CHD1L: variants seen among roughly 807,000 people sequenced by gnomAD.
CHD1L encodes chromodomain helicase DNA binding protein 1 like, also known as ATP-dependent chromatin remodeler CHD1L.
CHD1L carries 118 observed loss-of-function variants against 115.9 expected under a neutral mutation model. The ratio of observed to expected loss-of-function variants is 1.02; its 90% CI spans 0.88 to 1.19. The LOEUF (loss-of-function observed/expected upper bound fraction) is 1.19, where lower values mean the gene tolerates loss of function less well. CHD1L is among the 50% of genes most tolerant of loss of function. The pLI is 0.00. For missense variants in CHD1L, 1,179 were observed against 1,065.3 expected (o/e 1.11, Z -1.49); for synonymous variants, 411 against 387.1 (o/e 1.06, Z -0.72).
At chr1:147,251,512 C>T (rs1421922458) in intron 1 of CHD1L, among the ~76,000 whole-genome samples, 4 of 152,134 alleles carry the variant, frequency 2.6e-5, no homozygotes, top group African/African-American at 9.6e-5. Context: ...AAATGAGATA[C>T]TGTAATTTAT....
chr1:147,275,555 C>A, intron 13 of CHD1L, 87 bp downstream of exon 13: 1 of 1,035,582 alleles, frequency 9.7e-7, no homozygotes, highest in South Asian at 1.4e-5. Context: ...TGGTGACAGT[C>A]CCACACTGGG....
rs1553931952 is a variant in CHD1L at position 147,242,837 on chromosome 1, G to A, written c.127+7G>A. On this transcript the variant is annotated splice_region_variant and intron_variant, in intron 1 of 22. Coordinates refer to ENST00000369258, the MANE Select transcript of CHD1L (RefSeq NM_004284.6). The stretch of plus-strand genomic sequence containing the variant: ...CGGCAGTGGGGGCTGACAGGTGAGC[G>A]GGCTCCGGGCGGACTTCGGCCAGGC... 6 of 1,274,646 alleles carry A rather than the reference G, an allele frequency of 4.7e-6. No individual in the cohort carries two copies. The highest frequency in any genetic ancestry group is 6.0e-6 in the Non-Finnish European group (6 of 1,003,722). The allele number at this position is 1,274,646 out of a possible 1,614,324, so 79.0% of individuals were successfully genotyped here.
At chr1:147,203,155 C>A in the CHD1L span, 2 of 505,514 alleles carry the variant, frequency 4.0e-6, no homozygotes, top group Non-Finnish European at 6.9e-6. Flanking sequence ...ATTATAACAT[C>A]CAGCCAAGAA....
chr1:147,293,641 T>G lies in CHD1L; in HGVS notation c.2425T>G (p.Ser809Ala). 1 of 1,614,138 alleles carries G rather than the reference T, an allele frequency of 6.2e-7. No homozygotes were observed. The highest frequency in any genetic ancestry group is 8.5e-7 in the Non-Finnish European group (1 of 1,180,024). Reference sequence around the variant, plus strand: ...GATTGTGGCTCAGCATCGTGATCGTTCCAATGTCCTGTCTGGCATTAAGAT... The same window carrying G: ...GATTGTGGCTCAGCATCGTGATCGTGCCAATGTCCTGTCTGGCATTAAGAT... ...ALIVAQHRDR[S>A]NVLSGIKMAA... The change falls in exon 21 of 23, where the codon TCC becomes GCC. Residue 809 changes from serine to alanine, a missense_variant. By Grantham distance (99) the Ser-to-Ala change is moderately conservative. Coordinates refer to ENST00000369258, the MANE Select transcript of CHD1L (RefSeq NM_004284.6).
At chr1:147,184,852 A>G in the CHD1L span, among the ~76,000 whole-genome samples, 10 of 152,238 alleles carry the variant, frequency 6.6e-5, no homozygotes, top group Admixed American at 3.9e-4. This position sits in a 1 kb window ranked among gnomAD's most constrained non-coding sequence, Gnocchi z 4.4. Context: ...ACACTAGAGA[A>G]GTAGGAAGTT....
At chr1:147,192,902 G>T in the CHD1L span, among the ~76,000 whole-genome samples, 1 of 152,156 alleles carries the variant, frequency 6.6e-6, no homozygotes, top group Non-Finnish European at 1.5e-5. Flanking sequence ...TGAGCTGCTG[G>T]ATTCAGTTTG....
upstream of CHD1L, chr1:147,242,550 A>AG: frequency 1.3e-6 from 1 of 776,244 alleles, no homozygotes. Flanking sequence ...GGGTGACTGC[A>AG]CCAGCTCCGC....
At chr1:147,216,727 T>A in the CHD1L span, among the ~76,000 whole-genome samples, 1 of 152,202 alleles carries the variant, frequency 6.6e-6, no homozygotes, top group Non-Finnish European at 1.5e-5. Context: ...AAGTATGGTC[T>A]GTAGACTAGC....
At chr1:147,202,339 A>G in the CHD1L span, among the ~76,000 whole-genome samples, 1 of 652 alleles carries the variant, frequency 1.5e-3, no homozygotes, top group Middle Eastern at 0.25. Context: ...TTTTTTTGAG[A>G]CAGAGTCTCT....
chr1:147,199,238 AT>A, the CHD1L span, among the ~76,000 whole-genome samples: 29,078 of 152,094 alleles, frequency 0.19, 3,253 homozygotes, highest in Middle Eastern at 0.26. Flanking sequence ...CATGAAAAAA[AT>A]GGGAAAAACA....
intron 21 of CHD1L, 112 bp downstream of exon 21, chr1:147,293,834 G>C (rs1228575093): frequency 1.2e-6 from 1 of 823,522 alleles, no homozygotes; most frequent in African/African-American, 1.7e-5. Context: ...GCACGGTAAA[G>C]GCAAACCACA....
intron 15 of CHD1L, among the ~76,000 whole-genome samples, chr1:147,282,334 C>T (rs868950806): frequency 3.9e-5 from 6 of 152,142 alleles, no homozygotes; most frequent in Non-Finnish European, 5.9e-5. Flanking sequence ...ACTGAAAAGG[C>T]GGGGTGAGTC....
chr1:147,213,085 G>A, the CHD1L span, among the ~76,000 whole-genome samples: 1 of 152,030 alleles, frequency 6.6e-6, no homozygotes, highest in Non-Finnish European at 1.5e-5. Flanking sequence ...AATGACTAAA[G>A]TCATTGTAAA....
At chr1:147,286,090 G>A (rs886364714) in intron 17 of CHD1L, among the ~76,000 whole-genome samples, 4 of 152,176 alleles carry the variant, frequency 2.6e-5, no homozygotes, top group African/African-American at 9.7e-5. Context: ...GGAACATTCA[G>A]GGAGTGCTCA....
At chr1:147,264,718 T>C (rs1673228171) in intron 7 of CHD1L, 134 bp downstream of exon 7, 7 of 822,984 alleles carry the variant, frequency 8.5e-6, no homozygotes, top group Admixed American at 5.5e-5. Flanking sequence ...ACCGCTGATA[T>C]TAGGGAGATG....
chr1:147,267,378 T>C, intron 8 of CHD1L, 48 bp from the exon 9 acceptor site: 1 of 1,438,368 alleles, frequency 7.0e-7, no homozygotes, highest in South Asian at 1.2e-5. Context: ...TTCTGTTTTG[T>C]TCAGTAGGCC....
At chr1:147,203,009 T>C in the CHD1L span, among the ~76,000 whole-genome samples, 1 of 152,148 alleles carries the variant, frequency 6.6e-6, no homozygotes, top group African/African-American at 2.4e-5. Flanking sequence ...TTCAAAATGG[T>C]CTTTCTAAAA....
At chr1:147,223,226 C>G in the CHD1L span, among the ~76,000 whole-genome samples, 1 of 152,158 alleles carries the variant, frequency 6.6e-6, no homozygotes, top group African/African-American at 2.4e-5. Flanking sequence ...GCAGAATTTT[C>G]TGCTGTTTAC....
the CHD1L span, chr1:147,225,265 C>A: frequency 8.9e-7 from 1 of 1,124,854 alleles, no homozygotes. Context: ...TGAGAGTGCT[C>A]TGCTGCGGTA....
Sources: gnomAD v4.1 joint callset for allele counts (sites outside exome capture counted in the v4.1 genomes callset) on GRCh38, gnomAD v4.1.1 for gene constraint, Gnocchi (gnomAD v3.1) non-coding constraint, MANE v1.5 for transcripts, NCBI Gene and HGNC (gene_info 2026-07-23, HGNC 2026-07-21) for gene names.